FBLN2: variants seen among roughly 807,000 people sequenced by gnomAD.
FBLN2 encodes the protein fibulin 2.
A neutral mutation model predicts 123.7 loss-of-function variants in FBLN2; 81 were observed. The observed-to-expected ratio is 0.65, with a 90% CI of 0.55 to 0.79. FBLN2 has a LOEUF of 0.79. Among genes scored for constraint, FBLN2 ranks in the 30% least tolerant of loss-of-function variants. FBLN2 has a pLI of 0.00. For synonymous variants in FBLN2, 699 were observed against 701.4 expected (o/e 1.00, Z 0.05); for missense variants, 1,603 against 1,681.3 (o/e 0.95, Z 0.81).
intron 1 of FBLN2, among the ~76,000 whole-genome samples, chr3:13,554,762 T>G (rs1703417821): frequency 1.3e-5 from 2 of 152,090 alleles, no homozygotes; most frequent in African/African-American, 4.8e-5. Context: ...GGCAGAGGGC[T>G]TCTACGGGGA....
At chr3:13,633,678 T>C (rs1706341858) in intron 16 of FBLN2, among the ~76,000 whole-genome samples, 2 of 152,180 alleles carry the variant, frequency 1.3e-5, no homozygotes, top group African/African-American at 4.8e-5. Flanking sequence ...ATGTGTTGGA[T>C]AATGTCCCCG....
chr3:13,636,460 C>A lies in FBLN2; in HGVS notation c.3230C>A (p.Ala1077Glu). 1 of 1,613,702 alleles carries A rather than the reference C, an allele frequency of 6.2e-7. No individual in the cohort carries two copies. Reference sequence around the variant, plus strand: ...TCTCCCCCAGACGTGGATGAGTGTGCACTGGGTACCCACAACTGTTCCGAG... The same window carrying A: ...TCTCCCCCAGACGTGGATGAGTGTGAACTGGGTACCCACAACTGTTCCGAG... ...GRSCKDVDEC[A>E]LGTHNCSEAE... Residue 1077 changes from alanine (A) to glutamate (E), a missense_variant, in exon 17 of 18, where the codon GCA becomes GAA. Ala to Glu is a moderately radical substitution (Grantham distance 107). Transcript: ENST00000404922.
intron 9 of FBLN2, among the ~76,000 whole-genome samples, chr3:13,624,093 C>G (rs1382983603): frequency 6.6e-6 from 1 of 152,146 alleles, no homozygotes; most frequent in East Asian, 1.9e-4. Flanking sequence ...AGGGAGGCAG[C>G]CCCCCAGCTC....
intron 7 of FBLN2, among the ~76,000 whole-genome samples, chr3:13,619,407 C>T (rs993896823): frequency 6.6e-6 from 1 of 152,158 alleles, no homozygotes; most frequent in Non-Finnish European, 1.5e-5. Flanking sequence ...TTTCCCTGCC[C>T]CCTTCCCTTT....
At chr3:13,599,082 G>A (rs1031694759) in intron 2 of FBLN2, among the ~76,000 whole-genome samples, 2 of 152,242 alleles carry the variant, frequency 1.3e-5, no homozygotes, top group Non-Finnish European at 1.5e-5. Flanking sequence ...ACTCCAGAGA[G>A]AGGCACTTTA....
chr3:13,631,447 G>T lies in FBLN2; in HGVS notation c.3204G>T (p.Arg1068Ser). Residue 1068 changes from arginine (R) to serine (S), a missense_variant, in exon 16 of 18, where the codon AGG becomes AGT. Physicochemically the swap from Arg to Ser is moderately radical, Grantham distance 110 (BLOSUM62 -1). Transcript: ENST00000404922. ...EQGYTMTANG[R>S]SCKDVDECAL... ...GCTACACCATGACGGCCAACGGGAGGTCCTGCAAGGGTGAGCAAGTCCCCC... is the reference window on the plus strand; with the variant it reads ...GCTACACCATGACGGCCAACGGGAGTTCCTGCAAGGGTGAGCAAGTCCCCC... 6.3e-7 allele frequency: 1 copy of T among 1,591,630 alleles called. No homozygotes were observed. Among genetic ancestry groups the T allele is most frequent in the East Asian group, 2.3e-5 (1 of 43,850 alleles).
chr3:13,616,084 C>T (rs1346734477), intron 5 of FBLN2, among the ~76,000 whole-genome samples: 1 of 152,106 alleles, frequency 6.6e-6, no homozygotes, highest in African/African-American at 2.4e-5. Flanking sequence ...GGGGGTTGGA[C>T]CAGGCCAGAC....
chr3:13,573,495 TCTC>T (rs1292313727), intron 2 of FBLN2, among the ~76,000 whole-genome samples: 1 of 152,178 alleles, frequency 6.6e-6, no homozygotes, highest in Non-Finnish European at 1.5e-5. Flanking sequence ...GGGGTCTCTA[TCTC>T]CTCCTCAAAG....
At chr3:13,632,198 C>T (rs775600791) in intron 16 of FBLN2, among the ~76,000 whole-genome samples, 6 of 152,236 alleles carry the variant, frequency 3.9e-5, no homozygotes, top group Admixed American at 1.3e-4. Context: ...GGGGCCAGGA[C>T]ACAGAAGGGG....
rs1338274000 is a variant in FBLN2 at position 13,631,383 on chromosome 3, A to G, written c.3140A>G (p.Asn1047Ser). 3 of 1,602,450 alleles carry G rather than the reference A, an allele frequency of 1.9e-6. No individual in the cohort carries two copies. The highest frequency in any genetic ancestry group is 1.7e-5 in the Admixed American group (1 of 58,478). Reference sequence around the variant, plus strand: ...ATCCTCTGCACCTTCCGCTGTCTCAACGTGCCAGGGAGCTACCAGTGTGCA... The same window carrying G: ...ATCCTCTGCACCTTCCGCTGTCTCAGCGTGCCAGGGAGCTACCAGTGTGCA... ...AGILCTFRCL[N>S]VPGSYQCACP... The change falls in exon 16 of 18, where the codon AAC becomes AGC. Residue 1047 changes from asparagine to serine, a missense_variant. Coordinates refer to ENST00000404922, the MANE Select transcript of FBLN2 (RefSeq NM_001004019.2).
chr3:13,597,428 C>T (rs1005510475), intron 2 of FBLN2, among the ~76,000 whole-genome samples: 1 of 152,176 alleles, frequency 6.6e-6, no homozygotes, highest in Non-Finnish European at 1.5e-5. Context: ...GCAAGAGTTC[C>T]CTCCTTTTCC....
At chr3:13,606,892 A>G (rs1705223662) in intron 2 of FBLN2, among the ~76,000 whole-genome samples, 1 of 152,006 alleles carries the variant, frequency 6.6e-6, no homozygotes, top group South Asian at 2.1e-4. Context: ...AACTCAGGTG[A>G]TCCTCCTGCC....
chr3:13,633,591 C>T (rs1706337786), intron 16 of FBLN2, among the ~76,000 whole-genome samples: 1 of 152,270 alleles, frequency 6.6e-6, no homozygotes. Context: ...CTGTCCTCTT[C>T]TCCTGTTCTG....
chr3:13,636,829 A>G (rs1706490275), intron 17 of FBLN2, among the ~76,000 whole-genome samples: 1 of 152,234 alleles, frequency 6.6e-6, no homozygotes, highest in Non-Finnish European at 1.5e-5. Context: ...CTGCTGTGTG[A>G]CCAGTTATCC....
Position 13,619,805 on chromosome 3 carries a change from T to C in FBLN2, c.2129T>C (p.Ile710Thr). 4 of 1,612,728 alleles carry C rather than the reference T, an allele frequency of 2.5e-6. No homozygotes were observed. Among genetic ancestry groups the C allele is most frequent in the Non-Finnish European group, 3.4e-6 (4 of 1,179,314 alleles). ...AICSCFPGYA[I>T]MADGVSCEDQ... ...TGCTCCTGTTTTCCCGGCTATGCCA[T>C]CATGGCGGATGGCGTGTCCTGTGAA... The change falls in exon 8 of 18, where the codon ATC becomes ACC. Residue 710 changes from isoleucine to threonine, a missense_variant. Transcript: ENST00000404922.
At chr3:13,567,191 G>T (rs1239886219) in intron 1 of FBLN2, among the ~76,000 whole-genome samples, 2 of 152,152 alleles carry the variant, frequency 1.3e-5, no homozygotes, top group Admixed American at 6.5e-5. Flanking sequence ...TTGGTGGACC[G>T]GGTGGTGGGG....
At position 13,629,930 on chromosome 3, in the gene FBLN2, G is replaced by C; in HGVS notation, c.2953G>C (p.Gly985Arg). The change falls in exon 14 of 18, where the codon GGC (glycine) becomes CGC (arginine). Residue 985 changes from glycine to arginine, a missense_variant. Transcript: ENST00000404922. The stretch of plus-strand genomic sequence containing the variant: ...CTCCGGGTTCCTGCTAGCAGCGGAC[G>C]GCAAGCGCTGTGAAGGTAGGCTGGC... ...CASGFLLAAD[G>R]KRCEDVNECE... The C allele has an allele frequency of 6.2e-7, 1 of 1,610,454 alleles. No homozygotes were observed. Among genetic ancestry groups the C allele is most frequent in the African/African-American group, 1.3e-5 (1 of 75,008 alleles).
At chr3:13,558,077 G>A (rs904651670) in intron 1 of FBLN2, among the ~76,000 whole-genome samples, 1 of 152,232 alleles carries the variant, frequency 6.6e-6, no homozygotes, top group African/African-American at 2.4e-5. Context: ...TTTCAGGGCC[G>A]TGCAAATAAA....
chr3:13,637,754 T>C lies in FBLN2; in HGVS notation c.3531T>C (p.Phe1177=), dbSNP rs1706529894. 3 of 1,613,828 alleles carry C rather than the reference T, an allele frequency of 1.9e-6. No individual in the cohort carries two copies. Among genetic ancestry groups the C allele is most frequent in the Admixed American group, 1.7e-5 (1 of 60,012 alleles). ...NIIKGNEEGY[F]GTRRLNAYTG... ...TCAAGGGCAATGAGGAGGGCTACTT[T>C]GGCACGCGCAGGCTCAATGCCTACA... The change falls in exon 18 of 18, where the codon TTT becomes TTC. Residue 1177 remains phenylalanine, a synonymous_variant. Coordinates refer to ENST00000404922, the MANE Select transcript of FBLN2 (RefSeq NM_001004019.2).
Sources: allele counts gnomAD v4.1 joint callset (sites outside exome capture counted in the v4.1 genomes callset), GRCh38; gene constraint gnomAD v4.1.1; transcripts MANE v1.5; gene names NCBI Gene and HGNC (gene_info 2026-07-23, HGNC 2026-07-21).